The following SBF2 variants were observed in gnomAD, a reference collection of about 807,000 sequenced individuals.
SBF2 encodes the protein myotubularin-related protein 13.
In SBF2, 112 loss-of-function variants were observed where a neutral mutation model predicts 225.2. That is an observed-to-expected ratio of 0.50 (90% CI 0.43 to 0.58). The LOEUF (loss-of-function observed/expected upper bound fraction) is 0.58. Ranked by LOEUF, SBF2 falls within the 20% of genes least tolerant of loss-of-function variation. The probability of loss-of-function intolerance (pLI) is 0.00; values close to 1 mark genes in which losing one functional copy is unlikely to be tolerated. For synonymous variants in SBF2, 763 were observed against 773.3 expected (o/e 0.99, Z 0.22); for missense variants, 1,996 against 2,206.2 (o/e 0.90, Z 1.91).
At chr11:10,001,535 T>TG (rs1298538663) in intron 7 of SBF2, among the ~76,000 whole-genome samples, 1 of 152,040 alleles carries the variant, frequency 6.6e-6, no homozygotes, top group Non-Finnish European at 1.5e-5. Flanking sequence ...TAAATTTTTT[T>TG]TTTTTTTGAG....
chr11:10,093,391 A>C (rs1000975570), intron 2 of SBF2, among the ~76,000 whole-genome samples: 4 of 151,898 alleles, frequency 2.6e-5, no homozygotes, highest in East Asian at 1.9e-4. Flanking sequence ...GGAAAAAAAA[A>C]AAAAACAAAA....
intron 16 of SBF2, among the ~76,000 whole-genome samples, chr11:9,900,733 T>A (rs977536282): frequency 1.1e-4 from 17 of 152,174 alleles, no homozygotes; most frequent in African/African-American, 1.7e-4. Context: ...AAAGATCATT[T>A]AAAAAAATTT....
intron 16 of SBF2, among the ~76,000 whole-genome samples, chr11:9,910,020 C>T (rs922501711): frequency 6.6e-6 from 1 of 151,964 alleles, no homozygotes; most frequent in Non-Finnish European, 1.5e-5. Flanking sequence ...ATCAGTTCCA[C>T]GTGGGTGAAG....
At position 9,790,713 on chromosome 11, in the gene SBF2, A is replaced by T. The variant is rs749502568; in HGVS notation, c.4571-30T>A. ...AGATTAAAAAAATCCAACAAAACAA[A>T]ATTAAATAAATTCACACTTTGCCAA... On this transcript the variant is annotated intron_variant, in intron 33 of 39. Transcript: ENST00000256190. 12 of 1,520,412 alleles carry T rather than the reference A, an allele frequency of 7.9e-6. No individual in the cohort carries two copies. The Middle Eastern group carries it at 5.2e-4, about 66-fold the overall frequency. The allele number at this position is 1,520,412 out of a possible 1,614,324, so 94.2% of individuals were successfully genotyped here.
intron 2 of SBF2, among the ~76,000 whole-genome samples, chr11:10,184,357 T>TC (rs1213779790): frequency 1.3e-5 from 2 of 152,220 alleles, no homozygotes; most frequent in African/African-American, 4.8e-5. Flanking sequence ...GTTCTTTTTT[T>TC]CCCAGATAGT....
intron 2 of SBF2, among the ~76,000 whole-genome samples, chr11:10,055,676 A>C (rs920340234): frequency 2.6e-5 from 4 of 152,158 alleles, no homozygotes; most frequent in Non-Finnish European, 5.9e-5. Context: ...TCAGGAATGG[A>C]AAACCAAATA....
At chr11:10,042,356 T>C (rs553841966) in intron 3 of SBF2, among the ~76,000 whole-genome samples, 3 of 152,312 alleles carry the variant, frequency 2.0e-5, no homozygotes, top group Non-Finnish European at 4.4e-5. Flanking sequence ...AAAGAGCAAT[T>C]ATTTTATATG....
intron 1 of SBF2, among the ~76,000 whole-genome samples, chr11:10,248,742 A>C (rs1960042062): frequency 6.6e-6 from 1 of 152,238 alleles, no homozygotes; most frequent in South Asian, 2.1e-4. Context: ...TTTTAAGTGA[A>C]ATAGGAAAAA....
rs867094172 is a variant in SBF2 at position 9,994,332 on chromosome 11, G to A, written c.976-334C>T. 2.3e-3 allele frequency among the ~76,000 whole-genome samples: 353 copies of A among 151,740 alleles called. 4 individuals carry two copies. The highest frequency in any genetic ancestry group is 7.6e-3 in the African/African-American group (313 of 41,382). ...TACTAAAAATACAAAAAAATTAGCC[G>A]GGCGTGGTGGTGGGCGCCTGTAGTC... On this transcript the variant is annotated intron_variant, in intron 9 of 39. Transcript: ENST00000256190.
intron 29 of SBF2, 96 bp downstream of exon 29, chr11:9,816,744 T>TA (rs1175262758): frequency 7.7e-5 from 94 of 1,218,550 alleles, no homozygotes; most frequent in Non-Finnish European, 8.8e-5. Flanking sequence ...AATCATGCTG[T>TA]AAAAAAAATT....
At chr11:9,882,663 T>A (rs182626239) in intron 17 of SBF2, among the ~76,000 whole-genome samples, 1 of 151,788 alleles carries the variant, frequency 6.6e-6, no homozygotes, top group Admixed American at 6.6e-5. Context: ...TAAAATTAGC[T>A]GGGCGCGGTG....
At chr11:10,226,213 G>C (rs1329133548) in intron 1 of SBF2, among the ~76,000 whole-genome samples, 1 of 152,030 alleles carries the variant, frequency 6.6e-6, no homozygotes, top group Admixed American at 6.6e-5. Flanking sequence ...TATTAGCATA[G>C]AAAGATGTCC....
intron 13 of SBF2, among the ~76,000 whole-genome samples, chr11:9,973,798 T>C (rs1008819605): frequency 1.3e-5 from 2 of 152,006 alleles, no homozygotes; most frequent in South Asian, 2.1e-4. Flanking sequence ...CAAACCCCAA[T>C]GGAAATTCAA....
At chr11:9,897,214 A>T (rs778718726) in intron 16 of SBF2, among the ~76,000 whole-genome samples, 7 of 152,064 alleles carry the variant, frequency 4.6e-5, no homozygotes, top group Non-Finnish European at 8.8e-5. Context: ...ATTCTGACAC[A>T]TGCTACCACA....
chr11:9,951,599 A>G (rs1865864672), intron 16 of SBF2, among the ~76,000 whole-genome samples: 1 of 152,240 alleles, frequency 6.6e-6, no homozygotes, highest in Non-Finnish European at 1.5e-5. Context: ...GCTTTAATTT[A>G]CTAGTTGTGT....
chr11:9,817,737 T>A (rs1392340159), intron 28 of SBF2, among the ~76,000 whole-genome samples: 3 of 106,734 alleles, frequency 2.8e-5, no homozygotes, highest in African/African-American at 7.5e-5. Flanking sequence ...AAACCCCGTC[T>A]CTACCAAAAA....
intron 2 of SBF2, among the ~76,000 whole-genome samples, chr11:10,145,201 C>A (rs922545982): frequency 3.9e-5 from 6 of 152,274 alleles, no homozygotes; most frequent in Admixed American, 3.9e-4. Context: ...CACTCATACG[C>A]CTGGCACCTG....
At chr11:10,300,812 T>TC (rs539171148) in intron 1 of SBF2, among the ~76,000 whole-genome samples, 67 of 94,060 alleles carry the variant, frequency 7.1e-4, no homozygotes, top group Non-Finnish European at 1.1e-3. Context: ...TCTCTCTCTC[T>TC]TTTTTTTTTT....
At chr11:9,936,677 ATCT>A (rs1207599075) in intron 16 of SBF2, among the ~76,000 whole-genome samples, 2 of 152,324 alleles carry the variant, frequency 1.3e-5, no homozygotes, top group Non-Finnish European at 2.9e-5. Context: ...GCTGGAAACC[ATCT>A]TCTCAGCAAA....
Sources: gnomAD v4.1 joint callset for allele counts (sites outside exome capture counted in the v4.1 genomes callset) on GRCh38, gnomAD v4.1.1 for gene constraint, MANE v1.5 for transcripts, NCBI Gene and HGNC (gene_info 2026-07-23, HGNC 2026-07-21) for gene names.